CCR5AS: variants seen among roughly 807,000 people sequenced by gnomAD.
The protein encoded by CCR5AS is CCR5 antisense RNA.
At chr3:46,373,781 C>A (rs763264245) in intron 2 of CCR5AS, 8 of 1,613,596 alleles carry the variant, frequency 5.0e-6, no homozygotes, top group Admixed American at 3.3e-5. Context: ...GCTGCATCAA[C>A]CCCATCATCT....
rs144400782 is a variant in CCR5AS at position 46,383,275 on chromosome 3, G to A, written n.391+9550C>T. Among the ~76,000 whole-genome samples, 256 of 152,282 alleles carry A rather than the reference G, an allele frequency of 1.7e-3. 1 individual carries two copies. Among genetic ancestry groups the A allele is most frequent in the African/African-American group, 5.7e-3 (236 of 41,556 alleles). ...TAGCTCCTTTTGAAAGCCTTTTAGGGTGGATTAACCTGCTACCAATAATTC... is the reference window on the plus strand; with the variant it reads ...TAGCTCCTTTTGAAAGCCTTTTAGGATGGATTAACCTGCTACCAATAATTC... On this transcript the variant is annotated intron_variant and non_coding_transcript_variant, in intron 2 of 3. Coordinates refer to ENST00000451485, the Ensembl canonical transcript of CCR5AS.
intron 2 of CCR5AS, among the ~76,000 whole-genome samples, chr3:46,384,421 C>T (rs1009589668): frequency 6.6e-6 from 1 of 152,198 alleles, no homozygotes; most frequent in Non-Finnish European, 1.5e-5. Flanking sequence ...GGCACAGCTG[C>T]CGGCATTCAC....
At chr3:46,382,167 C>A (rs764065666) in intron 2 of CCR5AS, among the ~76,000 whole-genome samples, 1 of 152,234 alleles carries the variant, frequency 6.6e-6, no homozygotes, top group Admixed American at 6.5e-5. Flanking sequence ...ATGGATTCTC[C>A]ATCTTCCCTT....
At chr3:46,395,220 CAATT>C (rs1701949002) in intron 1 of CCR5AS, among the ~76,000 whole-genome samples, 1 of 151,966 alleles carries the variant, frequency 6.6e-6, no homozygotes, top group African/African-American at 2.4e-5. Flanking sequence ...GGATGTGGGT[CAATT>C]AGTTTGGTTT....
chr3:46,404,039 A>G (rs1702024073), intron 1 of CCR5AS, among the ~76,000 whole-genome samples: 1 of 152,210 alleles, frequency 6.6e-6, no homozygotes, highest in South Asian at 2.1e-4. Context: ...AAAGCAGAAC[A>G]CAGAAGAGTG....
intron 2 of CCR5AS, among the ~76,000 whole-genome samples, chr3:46,390,057 T>A (rs976112235): frequency 6.6e-6 from 1 of 152,038 alleles, no homozygotes; most frequent in African/African-American, 2.4e-5. Flanking sequence ...ACATATTGAA[T>A]AAGGTGGGAG....
At chr3:46,370,982 C>T (rs533626678) in intron 3 of CCR5AS, 12 of 152,314 alleles carry the variant, frequency 7.9e-5, no homozygotes, top group African/African-American at 2.9e-4. Context: ...ACAAGAAACT[C>T]TCCCCGGTAA....
At chr3:46,370,757 C>T (rs201495177) in intron 3 of CCR5AS, 8 of 152,106 alleles carry the variant, frequency 5.3e-5, no homozygotes, top group Admixed American at 1.3e-4. Flanking sequence ...GAGAAAAGCC[C>T]GTAAATAAAC....
intron 2 of CCR5AS, among the ~76,000 whole-genome samples, chr3:46,381,315 TTAAC>T (rs1701814623): frequency 1.3e-5 from 2 of 152,354 alleles, no homozygotes; most frequent in Admixed American, 6.5e-5. Flanking sequence ...GCCATCCTTC[TTAAC>T]TCTTTCCATG....
At chr3:46,383,895 C>T (rs1278898851) in intron 2 of CCR5AS, among the ~76,000 whole-genome samples, 2 of 152,140 alleles carry the variant, frequency 1.3e-5, no homozygotes, top group East Asian at 3.8e-4. Context: ...AGTCCCTGTC[C>T]TTATGAAATT....
At chr3:46,390,035 A>C (rs572222483) in intron 2 of CCR5AS, among the ~76,000 whole-genome samples, 1 of 152,332 alleles carries the variant, frequency 6.6e-6, no homozygotes, top group South Asian at 2.1e-4. Flanking sequence ...GCTGCAAAGA[A>C]GAAGATCATC....
Position 46,369,877 on chromosome 3 carries a change from A to G in CCR5AS, n.565+1367T>C, listed in dbSNP as rs540939173. Among the ~76,000 whole-genome samples the G allele has an allele frequency of 7.2e-5, 11 of 152,294 alleles. No individual in the cohort carries two copies. The East Asian group carries it at 1.4e-3, about 19-fold the overall frequency. On this transcript the variant is annotated intron_variant and non_coding_transcript_variant, in intron 3 of 3. Coordinates refer to ENST00000451485, the Ensembl canonical transcript of CCR5AS. Reference sequence around the variant, plus strand: ...AGTCTGCCTCTGTAGGATTGGGGGCACGTAATTTTGCTGTTTGGGGTCTCA... The same window carrying G: ...AGTCTGCCTCTGTAGGATTGGGGGCGCGTAATTTTGCTGTTTGGGGTCTCA...
chr3:46,377,089 G>A (rs1701768900), intron 2 of CCR5AS, among the ~76,000 whole-genome samples: 1 of 152,222 alleles, frequency 6.6e-6, no homozygotes, highest in African/African-American at 2.4e-5. Flanking sequence ...CCCATAGGAG[G>A]AAGGCAGTGC....
chr3:46,389,024 G>A (rs1701885170), intron 2 of CCR5AS, among the ~76,000 whole-genome samples: 1 of 152,176 alleles, frequency 6.6e-6, no homozygotes, highest in Admixed American at 6.5e-5. Flanking sequence ...ATGAGTCATT[G>A]AGAATGGTGA....
At position 46,370,918 on chromosome 3, in the gene CCR5AS, A is replaced by G. The variant is rs995034661; in HGVS notation, n.565+326T>C. The G allele has an allele frequency of 4.6e-5, 7 of 152,120 alleles. No homozygotes were observed. The East Asian group carries it at 1.4e-3, about 29-fold the overall frequency. The allele number at this position is 152,120 out of a possible 1,614,324, so 9.4% of individuals were successfully genotyped here. A position where few individuals can be genotyped will look rare whatever the true frequency, so the allele number is the denominator to read the frequency against. On this transcript the variant is annotated intron_variant and non_coding_transcript_variant, in intron 3 of 3. Transcript: ENST00000451485. ...CATTTCCTACTTTTATACTGTCTAT[A>G]TGATTGATTTGCACAGCTCATCTGG...
intron 1 of CCR5AS, among the ~76,000 whole-genome samples, chr3:46,395,173 G>A (rs144836751): frequency 2.0e-5 from 3 of 152,136 alleles, no homozygotes; most frequent in Non-Finnish European, 2.9e-5. Context: ...ATCAAGGCTT[G>A]GGTCTTGGCC....
chr3:46,386,726 G>T (rs1701866204), intron 2 of CCR5AS, among the ~76,000 whole-genome samples: 1 of 152,180 alleles, frequency 6.6e-6, no homozygotes, highest in Admixed American at 6.5e-5. Context: ...ACACTGACTA[G>T]ATATAATATT....
At position 46,373,769 on chromosome 3, in the gene CCR5AS, C is replaced by T. The variant is rs149622978; in HGVS notation, n.392-2352G>A. The T allele has an allele frequency of 1.9e-6, 3 of 1,613,582 alleles. No individual in the cohort carries two copies. The South Asian group carries it at 3.3e-5, about 18-fold the overall frequency. On this transcript the variant is annotated intron_variant and non_coding_transcript_variant, in intron 2 of 3. Coordinates refer to ENST00000451485, the Ensembl canonical transcript of CCR5AS. ...TGACAGAGACTCTTGGGATGACGCA[C>T]TGCTGCATCAACCCCATCATCTATG...
At chr3:46,398,782 G>A (rs1701982137) in intron 1 of CCR5AS, among the ~76,000 whole-genome samples, 1 of 151,584 alleles carries the variant, frequency 6.6e-6, no homozygotes, top group South Asian at 2.1e-4. Context: ...TTCTAGGAAT[G>A]CATATTCACC....
Sources: allele counts gnomAD v4.1 joint callset (sites outside exome capture counted in the v4.1 genomes callset), GRCh38; gene constraint gnomAD v4.1.1; transcripts MANE v1.5; gene names NCBI Gene and HGNC (gene_info 2026-07-23, HGNC 2026-07-21).